SPATA17: variants seen among roughly 807,000 people sequenced by gnomAD.
SPATA17 encodes spermatogenesis-associated protein 17.
A neutral mutation model predicts 62.2 loss-of-function variants in SPATA17; 53 were observed. The ratio of observed to expected loss-of-function variants is 0.85; its 90% confidence interval spans 0.68 to 1.07. The LOEUF is 1.07. SPATA17 is among the 50% of genes least tolerant of loss of function. SPATA17 has a pLI of 0.00. For synonymous variants in SPATA17, 146 were observed against 146.8 expected, an observed-to-expected ratio of 0.99 and a Z score of 0.04; for missense variants, 466 against 425.5, an observed-to-expected ratio of 1.10 and a Z score of -0.84.
At chr1:217,675,632 G>T (rs974652421) in intron 4 of SPATA17, among the ~76,000 whole-genome samples, 15 of 152,134 alleles carry the variant, frequency 9.9e-5, no homozygotes, top group African/African-American at 3.4e-4. Context: ...TACTAATAAT[G>T]AATTAACAAT....
chr1:217,754,459 T>C (rs900284356), intron 6 of SPATA17, among the ~76,000 whole-genome samples: 7 of 152,298 alleles, frequency 4.6e-5, no homozygotes, highest in African/African-American at 1.7e-4. Flanking sequence ...TGTAATAGTT[T>C]TGTAGATTTA....
At chr1:217,775,495 G>T (rs998760155) in intron 7 of SPATA17, among the ~76,000 whole-genome samples, 6 of 152,078 alleles carry the variant, frequency 3.9e-5, no homozygotes, top group Non-Finnish European at 1.5e-5. Context: ...ACAAGGTCAA[G>T]AGATCAAGAC....
At chr1:217,815,689 G>T (rs1255005729) in intron 9 of SPATA17, among the ~76,000 whole-genome samples, 1 of 152,128 alleles carries the variant, frequency 6.6e-6, no homozygotes, top group Non-Finnish European at 1.5e-5. Context: ...TCCATAATGT[G>T]GGTGGGTCTC....
At chr1:217,632,662 C>G (rs182227061) in intron 1 of SPATA17, among the ~76,000 whole-genome samples, 1 of 152,138 alleles carries the variant, frequency 6.6e-6, no homozygotes, top group Admixed American at 6.6e-5. Flanking sequence ...TTGTCTCCAA[C>G]GTCTATGATA....
chr1:217,790,116 A>G (rs1673963642), intron 8 of SPATA17, among the ~76,000 whole-genome samples: 1 of 152,196 alleles, frequency 6.6e-6, no homozygotes, highest in South Asian at 2.1e-4. Flanking sequence ...CAAGCCCCTT[A>G]CGAAGTAACT....
rs1211118272 is a variant in SPATA17, at chr1:217,867,382, T to A, written c.*363T>A. 6.6e-6 allele frequency: 1 copy of A among 152,182 alleles called. No homozygotes were observed. Among genetic ancestry groups the A allele is most frequent in the East Asian group, 1.9e-4 (1 of 5,192 alleles). 9.4% of individuals were successfully genotyped at this position (152,182 alleles called of 1,614,324 possible). On this transcript the variant is annotated 3_prime_UTR_variant, in exon 11 of 11. Coordinates refer to ENST00000366933, the MANE Select transcript of SPATA17 (RefSeq NM_138796.4). ...ACCCAAATTAAGGGCGACTAACATG[T>A]AAGTAGGATGATGAATGGTTTGAAG...
intron 5 of SPATA17, among the ~76,000 whole-genome samples, chr1:217,734,282 TG>T (rs1012030598): frequency 2.0e-5 from 3 of 152,254 alleles, no homozygotes; most frequent in African/African-American, 7.2e-5. Context: ...TTGTTAGAGA[TG>T]AAATGTAAAT....
intron 8 of SPATA17, among the ~76,000 whole-genome samples, chr1:217,790,884 A>C (rs576481638): frequency 6.6e-6 from 1 of 152,228 alleles, no homozygotes; most frequent in Non-Finnish European, 1.5e-5. Flanking sequence ...ACGGGTAAGC[A>C]CTGGTTCTAT....
intron 9 of SPATA17, among the ~76,000 whole-genome samples, chr1:217,823,862 T>G (rs907496983): frequency 1.3e-5 from 2 of 152,054 alleles, no homozygotes; most frequent in African/African-American, 4.8e-5. Flanking sequence ...CATTACATGA[T>G]GAACTTCTTC....
chr1:217,707,704 A>G (rs1571747245), intron 5 of SPATA17, among the ~76,000 whole-genome samples: 2 of 152,298 alleles, frequency 1.3e-5, no homozygotes, highest in East Asian at 3.9e-4. Context: ...AAATGACCTA[A>G]TAGACATCTA....
chr1:217,813,299 C>G (rs1042853907), intron 9 of SPATA17, among the ~76,000 whole-genome samples: 1 of 152,114 alleles, frequency 6.6e-6, no homozygotes, highest in Non-Finnish European at 1.5e-5. Context: ...TTCAGCTTAA[C>G]GACCGTGATT....
At chr1:217,688,267 T>G (rs1265854500) in intron 5 of SPATA17, among the ~76,000 whole-genome samples, 1 of 152,108 alleles carries the variant, frequency 6.6e-6, no homozygotes, top group Non-Finnish European at 1.5e-5. Context: ...AAATATTTTT[T>G]AAAAAACTGG....
intron 9 of SPATA17, among the ~76,000 whole-genome samples, chr1:217,855,956 A>G (rs1320712286): frequency 6.6e-6 from 1 of 151,764 alleles, no homozygotes; most frequent in Admixed American, 6.6e-5. Flanking sequence ...CGATCCCTTG[A>G]CCTCGTGTTC....
chr1:217,781,985 T>G (rs1017820879), intron 7 of SPATA17, 189 bp from the exon 8 acceptor site: 1 of 472,170 alleles, frequency 2.1e-6, no homozygotes, highest in Non-Finnish European at 3.5e-6. Flanking sequence ...TCAATTTTAC[T>G]TGAGAGAACA....
At chr1:217,699,927 C>T (rs1222252715) in intron 5 of SPATA17, among the ~76,000 whole-genome samples, 1 of 152,074 alleles carries the variant, frequency 6.6e-6, no homozygotes, top group East Asian at 1.9e-4. Context: ...GGCTATCTTT[C>T]CTTCATTGAA....
intron 8 of SPATA17, among the ~76,000 whole-genome samples, chr1:217,795,705 A>G (rs1255658254): frequency 6.6e-6 from 1 of 152,028 alleles, no homozygotes; most frequent in Non-Finnish European, 1.5e-5. Context: ...CAAATGGCCT[A>G]GTTGGCCATG....
chr1:217,683,794 T>A (rs1040930133), intron 5 of SPATA17, among the ~76,000 whole-genome samples: 1 of 151,928 alleles, frequency 6.6e-6, no homozygotes, highest in Admixed American at 6.6e-5. Flanking sequence ...TGATAAAAAA[T>A]ATATATATGA....
At chr1:217,737,667 T>TA (rs1489223014) in intron 5 of SPATA17, among the ~76,000 whole-genome samples, 1 of 151,966 alleles carries the variant, frequency 6.6e-6, no homozygotes, top group African/African-American at 2.4e-5. Flanking sequence ...TCCAGTGAGA[T>TA]ATAGTTATGA....
chr1:217,864,115 T>C (rs1402660152), intron 10 of SPATA17, among the ~76,000 whole-genome samples: 2 of 152,224 alleles, frequency 1.3e-5, no homozygotes, highest in Non-Finnish European at 2.9e-5. Flanking sequence ...GAAATGTATA[T>C]ATAATACCAA....
Sources: allele counts gnomAD v4.1 joint callset (sites outside exome capture counted in the v4.1 genomes callset), GRCh38; gene constraint gnomAD v4.1.1; transcripts MANE v1.5; gene names NCBI Gene and HGNC (gene_info 2026-07-23, HGNC 2026-07-21).